Variants in SWT1 observed in about 807,000 individuals in gnomAD.
SWT1 encodes transcriptional protein SWT1.
In SWT1, 33 loss-of-function variants were observed where a neutral mutation model predicts 107.3. The observed-to-expected ratio is 0.31, with a 90% CI of 0.23 to 0.41. The LOEUF is 0.41. Ranked by LOEUF, SWT1 falls within the 10% of genes least tolerant of loss-of-function variation. The pLI is 1.00. For missense variants in SWT1, 898 were observed against 1,028.9 expected, an observed-to-expected ratio of 0.87 and a Z score of 1.74; for synonymous variants, 345 against 348.3, an observed-to-expected ratio of 0.99 and a Z score of 0.11.
At chr1:185,218,656 G>A (rs1381868200) in intron 14 of SWT1, among the ~76,000 whole-genome samples, 3 of 152,014 alleles carry the variant, frequency 2.0e-5, no homozygotes, top group East Asian at 1.9e-4. Context: ...AAAAGGATAC[G>A]TACACTTTCG....
intron 2 of SWT1, among the ~76,000 whole-genome samples, chr1:185,161,138 G>A (rs1267287965): frequency 6.6e-6 from 1 of 152,268 alleles, no homozygotes; most frequent in Non-Finnish European, 1.5e-5. Flanking sequence ...CAATTACACA[G>A]ATGAAGAAAC....
At chr1:185,224,120 G>C (rs1044236787) in intron 15 of SWT1, among the ~76,000 whole-genome samples, 3 of 152,160 alleles carry the variant, frequency 2.0e-5, no homozygotes, top group African/African-American at 7.2e-5. Flanking sequence ...CTTGTGAGAT[G>C]TATAGTTTGC....
At position 185,237,268 on chromosome 1, in the gene SWT1, G is replaced by A. The variant is rs539721556; in HGVS notation, c.2441+5560G>A. 3.9e-3 allele frequency among the ~76,000 whole-genome samples: 589 copies of A among 152,122 alleles called. 2 individuals are homozygous for A. The highest frequency in any genetic ancestry group is 0.014 in the African/African-American group (568 of 41,506). The stretch of plus-strand genomic sequence containing the variant: ...CATGCACACATATGTTTATTGCAGC[G>A]GTGTTCACAATAGCAAAGACTTGAA... On this transcript the variant is annotated intron_variant, in intron 16 of 18. Coordinates refer to ENST00000367500, the MANE Select transcript of SWT1 (RefSeq NM_017673.7).
intron 7 of SWT1, 139 bp downstream of exon 7, chr1:185,182,196 T>A: frequency 1.2e-6 from 1 of 833,980 alleles, no homozygotes; most frequent in Non-Finnish European, 1.8e-6. Flanking sequence ...ATAGTTTATT[T>A]TTTAGGTACA....
At chr1:185,166,861 A>G (rs934284949) in intron 3 of SWT1, among the ~76,000 whole-genome samples, 12 of 152,154 alleles carry the variant, frequency 7.9e-5, no homozygotes, top group Admixed American at 2.0e-4. Context: ...TGTCATGGCT[A>G]TAAATTTAGA....
chr1:185,261,587 A>G (rs1663018167), intron 16 of SWT1, among the ~76,000 whole-genome samples: 1 of 151,940 alleles, frequency 6.6e-6, no homozygotes, highest in Admixed American at 6.6e-5. Context: ...GTTTTTCATC[A>G]CAGCTGGCTG....
chr1:185,190,505 A>G (rs776639312), intron 9 of SWT1, 44 bp from the exon 10 acceptor site: 1 of 1,093,394 alleles, frequency 9.1e-7, no homozygotes, highest in Admixed American at 1.9e-5. Context: ...TGTCACCCAC[A>G]TTTCTAGTGT....
chr1:185,200,143 C>T (rs1657750164), intron 10 of SWT1, among the ~76,000 whole-genome samples: 1 of 151,892 alleles, frequency 6.6e-6, no homozygotes, highest in South Asian at 2.1e-4. Flanking sequence ...TTAGCAATTC[C>T]TCTAACCTGT....
chr1:185,272,315 CTTTG>C (rs991872634), intron 17 of SWT1, among the ~76,000 whole-genome samples: 6 of 152,250 alleles, frequency 3.9e-5, no homozygotes, highest in East Asian at 1.9e-4. Flanking sequence ...GCTTAATGCT[CTTTG>C]TTTATGTTTC....
chr1:185,222,191 A>G (rs543347313), intron 15 of SWT1, among the ~76,000 whole-genome samples, 155 bp downstream of exon 15: 35 of 152,132 alleles, frequency 2.3e-4, no homozygotes, highest in African/African-American at 8.4e-4. Flanking sequence ...TGAATACCTC[A>G]TGCATTTTAA....
chr1:185,278,820 C>T (rs1372595223), intron 18 of SWT1, among the ~76,000 whole-genome samples: 1 of 152,224 alleles, frequency 6.6e-6, no homozygotes, highest in African/African-American at 2.4e-5. Context: ...AAAAGTATCA[C>T]TAAACCACAG....
At chr1:185,237,734 C>T (rs572136641) in intron 16 of SWT1, among the ~76,000 whole-genome samples, 228 of 151,920 alleles carry the variant, frequency 1.5e-3, no homozygotes, top group African/African-American at 5.3e-3. Flanking sequence ...GTGGTTGGGC[C>T]CTACCTTAAT....
At chr1:185,245,521 G>C (rs1354715239) in intron 16 of SWT1, among the ~76,000 whole-genome samples, 2 of 152,130 alleles carry the variant, frequency 1.3e-5, no homozygotes, top group Non-Finnish European at 2.9e-5. Flanking sequence ...AAAAAGTATA[G>C]TAGAGTAAAT....
chr1:185,176,681 A>G (rs1655588262), intron 5 of SWT1: 2 of 985,270 alleles, frequency 2.0e-6, no homozygotes, highest in South Asian at 4.7e-5. Context: ...ACCTGCTTTT[A>G]GGTATTAAGA....
At chr1:185,232,544 C>T (rs1365918303) in intron 16 of SWT1, among the ~76,000 whole-genome samples, 1 of 152,062 alleles carries the variant, frequency 6.6e-6, no homozygotes, top group Non-Finnish European at 1.5e-5. Context: ...ATCTTGCAAT[C>T]AAAAGGTATT....
chr1:185,162,417 A>G (rs147401377), intron 2 of SWT1, among the ~76,000 whole-genome samples: 87 of 152,204 alleles, frequency 5.7e-4, no homozygotes, highest in African/African-American at 2.0e-3. Flanking sequence ...TAGGGAATTC[A>G]CCTAGCTTTA....
chr1:185,268,695 T>C (rs1360503377), intron 16 of SWT1, among the ~76,000 whole-genome samples: 2 of 152,224 alleles, frequency 1.3e-5, no homozygotes, highest in African/African-American at 4.8e-5. Flanking sequence ...GAGTCTAATA[T>C]AGTATGTTAA....
At chr1:185,195,188 C>G (rs904918240) in intron 10 of SWT1, among the ~76,000 whole-genome samples, 3 of 152,110 alleles carry the variant, frequency 2.0e-5, no homozygotes, top group African/African-American at 7.2e-5. Flanking sequence ...GTGGTGTTCC[C>G]CTCCCTGTGT....
At chr1:185,163,393 C>CTTTTT (rs575075692) in intron 2 of SWT1, among the ~76,000 whole-genome samples, 1 of 134,948 alleles carries the variant, frequency 7.4e-6, no homozygotes, top group African/African-American at 2.7e-5. Flanking sequence ...TCCATGAAAG[C>CTTTTT]TTTTTTTTTT....
Sources: allele counts gnomAD v4.1 joint callset (sites outside exome capture counted in the v4.1 genomes callset), GRCh38; gene constraint gnomAD v4.1.1; transcripts MANE v1.5; gene names NCBI Gene and HGNC (gene_info 2026-07-23, HGNC 2026-07-21).